The following MIA2 variants were observed in gnomAD, a reference collection of about 807,000 sequenced individuals.
The protein encoded by MIA2 is MIA SH3 domain ER export factor 2, also known as melanoma inhibitory activity protein 2.
MIA2 carries 127 observed loss-of-function variants against 167.8 expected under a neutral mutation model. That is an observed-to-expected ratio of 0.76 (90% CI 0.66 to 0.88). The LOEUF is 0.88. Among genes scored for constraint, MIA2 ranks in the 40% least tolerant of loss-of-function variants. MIA2 has a pLI of 0.00. For synonymous variants in MIA2, 552 were observed against 541.9 expected, an observed-to-expected ratio of 1.02 and a Z score of -0.26; for missense variants, 1,690 against 1,624.7, an observed-to-expected ratio of 1.04 and a Z score of -0.69.
intron 24 of MIA2, among the ~76,000 whole-genome samples, chr14:39,322,366 C>T (rs1444813440): frequency 6.6e-6 from 1 of 151,826 alleles, no homozygotes. Flanking sequence ...CATGGTGAAA[C>T]CCTGTCTCTA....
rs1221224764 is a variant in MIA2, at chr14:39,279,505, C to G, written c.2098C>G (p.Leu700Val). The G allele has an allele frequency of 1.2e-6, 2 of 1,607,460 alleles. No individual in the cohort carries two copies. The highest frequency in any genetic ancestry group is 2.2e-5 in the East Asian group (1 of 44,762). Residue 700 changes from leucine (L) to valine (V), a missense_variant, in exon 9 of 29, where the codon CTA (leucine) becomes GTA (valine). Leu to Val is a conservative substitution (Grantham distance 32). Coordinates refer to ENST00000640607, the MANE Select transcript of MIA2 (RefSeq NM_001329214.4). ...TGGACTAATTGAAGAAAAAAGTAAA[C>G]TACTTGAAAAATTTAGCCTTGTTCA... ...LSGLIEEKSK[L>V]LEKFSLVQKE...
chr14:39,356,639 T>C (rs893543400), intron 23 of MIA2, among the ~76,000 whole-genome samples: 19 of 152,234 alleles, frequency 1.2e-4, no homozygotes, highest in African/African-American at 3.4e-4. Context: ...TTAATTGTGA[T>C]ATTAGGGTGT....
chr14:39,378,170 A>C (rs1042917472), intron 23 of MIA2, among the ~76,000 whole-genome samples: 1 of 152,250 alleles, frequency 6.6e-6, no homozygotes, highest in Admixed American at 6.5e-5. Flanking sequence ...TTTTTCTCAT[A>C]AGAGTATATG....
chr14:39,372,454 GATGTATATA>G (rs1201231247), intron 23 of MIA2, among the ~76,000 whole-genome samples: 1 of 152,176 alleles, frequency 6.6e-6, no homozygotes, highest in African/African-American at 2.4e-5. Flanking sequence ...AACAATTAAG[GATGTATATA>G]ATAGAAGTTC....
intron 23 of MIA2, among the ~76,000 whole-genome samples, chr14:39,359,332 G>T (rs1159198441): frequency 2.0e-5 from 3 of 152,190 alleles, no homozygotes; most frequent in Non-Finnish European, 4.4e-5. Context: ...AGGCTCCGTG[G>T]GCGTAGGACC....
intron 24 of MIA2, among the ~76,000 whole-genome samples, chr14:39,322,964 ACAC>A (rs1391647550): frequency 6.6e-6 from 1 of 152,220 alleles, no homozygotes; most frequent in East Asian, 1.9e-4. Flanking sequence ...CTAAATAAAA[ACAC>A]CAAATTAAAT....
At chr14:39,354,353 T>TA (rs1567044433), downstream of MIA2, among the ~76,000 whole-genome samples, 1 of 152,238 alleles carries the variant, frequency 6.6e-6, no homozygotes, top group Non-Finnish European at 1.5e-5. Flanking sequence ...GTAGGCTGCA[T>TA]AAATGTCTTC....
chr14:39,359,695 G>C (rs1233256815), intron 23 of MIA2, among the ~76,000 whole-genome samples: 1 of 152,136 alleles, frequency 6.6e-6, no homozygotes, highest in African/African-American at 2.4e-5. Flanking sequence ...TCTTGCCCCA[G>C]CCCCCTATAC....
At chr14:39,285,688 G>T (rs1245514110) in intron 9 of MIA2, among the ~76,000 whole-genome samples, 1 of 151,986 alleles carries the variant, frequency 6.6e-6, no homozygotes, top group East Asian at 1.9e-4. Flanking sequence ...TCCCGGTCGG[G>T]GTGGCTGCCG....
chr14:39,285,450 CGG>C (rs1407924227), intron 9 of MIA2, among the ~76,000 whole-genome samples: 1 of 136,224 alleles, frequency 7.3e-6, no homozygotes, highest in Non-Finnish European at 1.6e-5. Flanking sequence ...TCCTCCCGGA[CGG>C]GGCGGCTGGC....
At chr14:39,347,923 C>T (rs544901216) in intron 27 of MIA2, 152 bp downstream of exon 27, 17 of 660,986 alleles carry the variant, frequency 2.6e-5, no homozygotes, top group Non-Finnish European at 4.2e-5. Flanking sequence ...AGCAATTCTC[C>T]TGCCTCAGCC....
intron 24 of MIA2, among the ~76,000 whole-genome samples, chr14:39,325,366 ATTTT>A (rs1203450043): frequency 7.3e-6 from 1 of 136,988 alleles, no homozygotes. Context: ...TGAATGTTAA[ATTTT>A]TTTTTTTTTT....
chr14:39,321,332 G>C (rs1290836453), intron 24 of MIA2, among the ~76,000 whole-genome samples: 10 of 151,594 alleles, frequency 6.6e-5, no homozygotes, highest in Admixed American at 6.6e-4. Flanking sequence ...TTTATTTTTT[G>C]AGATGGAGTC....
At chr14:39,385,862 T>C (rs2075265144) in intron 23 of MIA2, 3 of 967,880 alleles carry the variant, frequency 3.1e-6, no homozygotes, top group Non-Finnish European at 5.1e-6. Flanking sequence ...CTCCCCCGCA[T>C]GCCCCGTCCC....
chr14:39,279,599 A>G, intron 9 of MIA2, 62 bp downstream of exon 9: 1 of 1,052,808 alleles, frequency 9.5e-7, no homozygotes, highest in Non-Finnish European at 1.4e-6. Context: ...TTCTCACTGT[A>G]GGTACTTCTG....
At chr14:39,352,608 G>C (rs1469389182), downstream of MIA2, among the ~76,000 whole-genome samples, 1 of 151,908 alleles carries the variant, frequency 6.6e-6, no homozygotes, top group African/African-American at 2.4e-5. Flanking sequence ...ATCCATGGAT[G>C]CTCAAGTCTC....
intron 23 of MIA2, among the ~76,000 whole-genome samples, chr14:39,366,596 G>A (rs1249606048): frequency 6.6e-6 from 1 of 152,216 alleles, no homozygotes; most frequent in Non-Finnish European, 1.5e-5. Flanking sequence ...GCCAGCAGTG[G>A]TGGATGGGTT....
chr14:39,318,766 C>A (rs571705505), intron 22 of MIA2, among the ~76,000 whole-genome samples: 1 of 152,018 alleles, frequency 6.6e-6, no homozygotes, highest in East Asian at 1.9e-4. Context: ...ATGAGTGTCA[C>A]GTTACAATGG....
intron 23 of MIA2, among the ~76,000 whole-genome samples, chr14:39,381,022 CAAA>C (rs59734735): frequency 6.4e-5 from 7 of 109,712 alleles, no homozygotes; most frequent in Non-Finnish European, 1.2e-4. Context: ...GTAAAAAAAA[CAAA>C]AAAAAAAAAA....
Sources: allele counts gnomAD v4.1 joint callset (sites outside exome capture counted in the v4.1 genomes callset), GRCh38; gene constraint gnomAD v4.1.1; transcripts MANE v1.5; gene names NCBI Gene and HGNC (gene_info 2026-07-23, HGNC 2026-07-21).